Variants in TNFRSF10C observed in about 807,000 individuals in gnomAD.
TNFRSF10C encodes the protein TNF receptor superfamily member 10c, also known as tumor necrosis factor receptor superfamily member 10C.
TNFRSF10C carries 17 observed loss-of-function variants against 16.7 expected under a neutral mutation model. The ratio of observed to expected loss-of-function variants is 1.02; its 90% CI spans 0.70 to 1.53. The LOEUF (loss-of-function observed/expected upper bound fraction) is 1.53. Ranked by LOEUF, TNFRSF10C falls within the 40% of genes most tolerant of loss-of-function variation. The probability of loss-of-function intolerance (pLI) is 0.00; values close to 1 mark genes in which losing one functional copy is unlikely to be tolerated. For synonymous variants in TNFRSF10C, 73 were observed against 119.7 expected, an observed-to-expected ratio of 0.61 and a Z score of 2.55; for missense variants, 237 against 329.7, an observed-to-expected ratio of 0.72 and a Z score of 2.18.
intron 4 of TNFRSF10C, among the ~76,000 whole-genome samples, chr8:23,116,319 G>A (rs1237203311): frequency 6.6e-6 from 1 of 152,240 alleles, no homozygotes; most frequent in Non-Finnish European, 1.5e-5. Context: ...GGCTCAGCTT[G>A]TGGCCACAAG....
rs562902278 is a variant in TNFRSF10C, at chr8:23,105,603, G to A, written c.60+2422G>A. Reference sequence around the variant, plus strand: ...CCTGGCCCGGGTTGTAGTTTGAAGAGTGAGCAGGAAATGTCTCCATCCAGG... The same window carrying A: ...CCTGGCCCGGGTTGTAGTTTGAAGAATGAGCAGGAAATGTCTCCATCCAGG... On this transcript the variant is annotated intron_variant, in intron 1 of 4. Coordinates refer to ENST00000356864, the MANE Select transcript of TNFRSF10C (RefSeq NM_003841.5). Among the ~76,000 whole-genome samples the A allele has an allele frequency of 1.3e-4, 20 of 152,344 alleles. No individual in the cohort carries two copies. In the South Asian group the frequency reaches 3.9e-3, roughly 30 times the overall value.
In TNFRSF10C at chr8:23,117,069, A is replaced by G. The variant is rs781658815; in HGVS notation, c.*38A>G. ...TGGAAGAAATTCCTTCCTTACCTGA[A>G]AGGTTCAGGTAGGCGCTGGCTGAGG... On this transcript the variant is annotated 3_prime_UTR_variant, in exon 5 of 5. Transcript: ENST00000356864. 6.2e-7 allele frequency: 1 copy of G among 1,603,382 alleles called. No individual in the cohort carries two copies. Among genetic ancestry groups the G allele is most frequent in the Admixed American group, 1.7e-5 (1 of 59,508 alleles).
chr8:23,104,726 T>A (rs1813744595), intron 1 of TNFRSF10C, among the ~76,000 whole-genome samples: 1 of 152,234 alleles, frequency 6.6e-6, no homozygotes, highest in Non-Finnish European at 1.5e-5. Context: ...TCTTTACTAG[T>A]CTAAGATGTA....
intron 1 of TNFRSF10C, among the ~76,000 whole-genome samples, chr8:23,107,698 G>C (rs754900586): frequency 6.6e-6 from 1 of 152,148 alleles, no homozygotes; most frequent in Non-Finnish European, 1.5e-5. Flanking sequence ...AATTAGACTA[G>C]ACAATCATAG....
Position 23,115,496 on chromosome 8 carries a change from C to A in TNFRSF10C, c.281-12C>A. On this transcript the variant is annotated splice_polypyrimidine_tract_variant and intron_variant, in intron 3 of 4. Coordinates refer to ENST00000356864, the MANE Select transcript of TNFRSF10C (RefSeq NM_003841.5). ...GGAAACACATTCCCAAAACCTTATG[C>A]TCTGTTGTCAGATCAAAAACATAAA... 2 of 1,608,582 alleles carry A rather than the reference C, an allele frequency of 1.2e-6. No individual in the cohort carries two copies. The highest frequency in any genetic ancestry group is 1.7e-6 in the Non-Finnish European group (2 of 1,175,832).
Position 23,117,211 on chromosome 8 carries a change from T to C in TNFRSF10C, c.*180T>C. On this transcript the variant is annotated 3_prime_UTR_variant, in exon 5 of 5. Transcript: ENST00000356864. ...CAGCCTGGCTCTATCTTCCTCCTTG[T>C]GATCGTCCCATCCCCACATCCCGTG... The C allele has an allele frequency of 3.2e-6, 3 of 943,974 alleles. No homozygotes were observed. The allele number at this position is 943,974 out of a possible 1,614,324, so 58.5% of individuals were successfully genotyped here.
chr8:23,105,950 C>T (rs541817913), intron 1 of TNFRSF10C, among the ~76,000 whole-genome samples: 3 of 152,342 alleles, frequency 2.0e-5, no homozygotes, highest in East Asian at 3.9e-4. Context: ...TGATCTCTGT[C>T]CTGCCCTTGG....
At chr8:23,115,638 C>G (rs201292747) in intron 4 of TNFRSF10C, 22 bp downstream of exon 4, 1 of 1,601,202 alleles carries the variant, frequency 6.2e-7, no homozygotes, top group Admixed American at 1.7e-5. Context: ...GTCAGGGGCT[C>G]CTGACAGCTT....
intron 4 of TNFRSF10C, among the ~76,000 whole-genome samples, chr8:23,116,237 C>T (rs760467987): frequency 1.3e-5 from 2 of 152,184 alleles, no homozygotes; most frequent in Non-Finnish European, 2.9e-5. Context: ...CTAATGTTTG[C>T]CGTGATAGGG....
intron 1 of TNFRSF10C, among the ~76,000 whole-genome samples, chr8:23,109,256 G>A (rs12550612): frequency 0.83 from 126,070 of 152,126 alleles, 52,372 homozygotes; most frequent in Admixed American, 0.88. Flanking sequence ...GCTGAAGTGT[G>A]GACTTTAAAT....
At chr8:23,104,005 G>T (rs1358937271) in intron 1 of TNFRSF10C, among the ~76,000 whole-genome samples, 1 of 151,786 alleles carries the variant, frequency 6.6e-6, no homozygotes, top group Non-Finnish European at 1.5e-5. Flanking sequence ...TTTGCATGTT[G>T]TCTTTCTACA....
chr8:23,109,336 G>GA (rs1813835344), intron 1 of TNFRSF10C, among the ~76,000 whole-genome samples: 1 of 151,910 alleles, frequency 6.6e-6, no homozygotes, highest in African/African-American at 2.4e-5. Flanking sequence ...GTCAAAAAAA[G>GA]AAAAAACGTG....
Position 23,106,200 on chromosome 8 carries a change from G to C in TNFRSF10C, c.60+3019G>C, listed in dbSNP as rs550086162. ...TTCCCTGGAGCCCGCAGTGTGGTGG[G>C]AGAGGTGACCCAGGGATTATATAAC... On this transcript the variant is annotated intron_variant, in intron 1 of 4. Transcript: ENST00000356864. 3.9e-5 allele frequency among the ~76,000 whole-genome samples: 4 copies of C among 103,596 alleles called. No individual in the cohort carries two copies. The East Asian group carries it at 1.8e-3, about 48-fold the overall frequency. 68.0% of individuals were successfully genotyped at this position (103,596 alleles called of 152,430 possible).
rs567432443 is a variant in TNFRSF10C at position 23,106,856 on chromosome 8, G to A, written c.60+3675G>A. The stretch of plus-strand genomic sequence containing the variant: ...AAAACAATTAGCGGAGTGTGGTGGC[G>A]GGTGCCTGTAGTCCCAGCTACTGGA... On this transcript the variant is annotated intron_variant, in intron 1 of 4. Transcript: ENST00000356864. 1.8e-3 allele frequency among the ~76,000 whole-genome samples: 266 copies of A among 151,966 alleles called. 1 individual carries two copies. Among genetic ancestry groups the A allele is most frequent in the African/African-American group, 5.9e-3 (245 of 41,436 alleles).
intron 1 of TNFRSF10C, among the ~76,000 whole-genome samples, chr8:23,110,147 C>T (rs1273297786): frequency 1.4e-5 from 2 of 142,350 alleles, no homozygotes; most frequent in Admixed American, 1.4e-4. Flanking sequence ...CACTAATAAA[C>T]CCCTCATTAA....
At position 23,102,950 on chromosome 8, in the gene TNFRSF10C, C is replaced by A; in HGVS notation, c.-172C>A. 1 of 1,501,152 alleles carries A rather than the reference C, an allele frequency of 6.7e-7. No individual in the cohort carries two copies. The allele number at this position is 1,501,152 out of a possible 1,614,324, so 93.0% of individuals were successfully genotyped here. Reference sequence around the variant, plus strand: ...GTGCAGCTGTGGGAACCTCTCCACGCGCACGAACTCAGCCAACGATTTCTG... The same window carrying A: ...GTGCAGCTGTGGGAACCTCTCCACGAGCACGAACTCAGCCAACGATTTCTG... On this transcript the variant is annotated 5_prime_UTR_variant, in exon 1 of 5. Coordinates refer to ENST00000356864, the MANE Select transcript of TNFRSF10C (RefSeq NM_003841.5).
intron 1 of TNFRSF10C, among the ~76,000 whole-genome samples, chr8:23,110,190 A>G (rs1247613161): frequency 1.3e-5 from 2 of 152,038 alleles, no homozygotes; most frequent in East Asian, 1.9e-4. Flanking sequence ...GAGCAGAGAA[A>G]GGAGACGCAG....
At chr8:23,110,257 G>T (rs1391304281) in intron 1 of TNFRSF10C, among the ~76,000 whole-genome samples, 1 of 151,962 alleles carries the variant, frequency 6.6e-6, no homozygotes, top group South Asian at 2.1e-4. Context: ...GGGAAAAGTG[G>T]GTTAGCTTCA....
At chr8:23,108,101 CAG>C (rs1156736171) in intron 1 of TNFRSF10C, among the ~76,000 whole-genome samples, 1 of 151,838 alleles carries the variant, frequency 6.6e-6, no homozygotes, top group Non-Finnish European at 1.5e-5. Context: ...AAGGCAGAAG[CAG>C]AGATGGAGGC....
Sources: gnomAD v4.1 joint callset for allele counts (sites outside exome capture counted in the v4.1 genomes callset) on GRCh38, gnomAD v4.1.1 for gene constraint, MANE v1.5 for transcripts, NCBI Gene and HGNC (gene_info 2026-07-23, HGNC 2026-07-21) for gene names.